The following VPS13D variants were observed in gnomAD, a reference collection of about 807,000 sequenced individuals.
The protein encoded by VPS13D is intermembrane lipid transfer protein VPS13D.
A neutral mutation model predicts 461.9 loss-of-function variants in VPS13D; 187 were observed. That is an observed-to-expected ratio of 0.40 (90% CI 0.36 to 0.46). The LOEUF (loss-of-function observed/expected upper bound fraction) is 0.46. Ranked by LOEUF, VPS13D falls within the 20% of genes least tolerant of loss-of-function variation. The pLI, the probability that VPS13D is intolerant of heterozygous loss-of-function variation, is 0.60. For missense variants in VPS13D, 4,711 were observed against 5,364.9 expected, an observed-to-expected ratio of 0.88 and a Z score of 3.81; for synonymous variants, 1,951 against 1,986.3, an observed-to-expected ratio of 0.98 and a Z score of 0.47.
In VPS13D at chr1:12,283,087, T is replaced by C; in HGVS notation, c.4985T>C (p.Leu1662Ser). Residue 1662 changes from leucine (L) to serine (S), a missense_variant, in exon 21 of 70, where the codon TTA becomes TCA. Around this residue, in one of 3 missense-constraint regions of VPS13D, gnomAD observed 4,411 missense variants for 4,937.8 expected, o/e 0.89. Coordinates refer to ENST00000620676, the MANE Select transcript of VPS13D (RefSeq NM_015378.4). ...VEFSKDHPQT[L>S]SIQIALHSLL... The stretch of plus-strand genomic sequence containing the variant: ...TTCAGTAAAGACCATCCCCAGACTT[T>C]ATCTATTCAGATTGCCCTGCATTCT... The C allele has an allele frequency of 6.2e-7, 1 of 1,614,196 alleles. No homozygotes were observed. Among genetic ancestry groups the C allele is most frequent in the Non-Finnish European group, 8.5e-7 (1 of 1,180,034 alleles).
Position 12,291,125 on chromosome 1 carries a change from G to A in VPS13D, c.5852+1G>A. 1.9e-6 allele frequency: 3 copies of A among 1,610,132 alleles called. No individual in the cohort carries two copies. The highest frequency in any genetic ancestry group is 2.5e-6 in the Non-Finnish European group (3 of 1,178,872). On this transcript the variant is annotated splice_donor_variant, in intron 23 of 69. Coordinates refer to ENST00000620676, the MANE Select transcript of VPS13D (RefSeq NM_015378.4). LOFTEE classifies it high-confidence loss of function. ...AAGCACTCATCTTCCAGACTTTTAA[G>A]TAAAAATGTCAATCTTTTTCTGACT...
Position 12,254,513 on chromosome 1 carries a change from C to CTTTT in VPS13D, c.669+712_669+715dup, listed in dbSNP as rs1017635589. Among the ~76,000 whole-genome samples the CTTTT allele has an allele frequency of 3.8e-4, 30 of 78,242 alleles. 3 individuals carry two copies. Among genetic ancestry groups the CTTTT allele is most frequent in the African/African-American group, 4.5e-4 (9 of 20,150 alleles). 51.3% of individuals were successfully genotyped at this position (78,242 alleles called of 152,430 possible). On this transcript the variant is annotated intron_variant, in intron 7 of 69. Coordinates refer to ENST00000620676, the MANE Select transcript of VPS13D (RefSeq NM_015378.4). The stretch of plus-strand genomic sequence containing the variant: ...TGTGAAGGATTAAAAAAATCTCAAT[C>CTTTT]TTTTTTTTTTTTTTTTTTTTTTTTT...
chr1:12,444,389 A>G (rs1645167701), intron 65 of VPS13D, among the ~76,000 whole-genome samples: 1 of 152,132 alleles, frequency 6.6e-6, no homozygotes, highest in South Asian at 2.1e-4. Flanking sequence ...GATTTGTAGA[A>G]CTTCTTGAAT....
intron 25 of VPS13D, among the ~76,000 whole-genome samples, chr1:12,302,084 T>C (rs915596069): frequency 6.6e-6 from 1 of 152,220 alleles, no homozygotes; most frequent in Non-Finnish European, 1.5e-5. Context: ...CAGTACTGTG[T>C]TGAATACTGT....
chr1:12,264,824 A>G (rs1641217787), intron 13 of VPS13D, among the ~76,000 whole-genome samples: 1 of 152,246 alleles, frequency 6.6e-6, no homozygotes, highest in Non-Finnish European at 1.5e-5. Flanking sequence ...TTGTAGATGA[A>G]AAGGCCTTCT....
intron 25 of VPS13D, among the ~76,000 whole-genome samples, chr1:12,300,461 G>A (rs980461773): frequency 2.6e-5 from 4 of 152,030 alleles, no homozygotes; most frequent in Non-Finnish European, 5.9e-5. Flanking sequence ...ACCCGCCTTG[G>A]CCTCCCAAAG....
chr1:12,360,978 T>C (rs1330199473), intron 50 of VPS13D, among the ~76,000 whole-genome samples: 1 of 152,192 alleles, frequency 6.6e-6, no homozygotes, highest in Non-Finnish European at 1.5e-5. Context: ...CGCATCACAA[T>C]ACAAGCAAGC....
intron 65 of VPS13D, among the ~76,000 whole-genome samples, chr1:12,434,751 C>A (rs931852795): frequency 6.6e-6 from 1 of 152,172 alleles, no homozygotes; most frequent in East Asian, 1.9e-4. Flanking sequence ...CTGATACATT[C>A]CACATAAGCT....
Position 12,507,122 on chromosome 1 carries a change from G to T in VPS13D, c.13035+29G>T, listed in dbSNP as rs2100567121. The stretch of plus-strand genomic sequence containing the variant: ...AGTGCCTGGCTGTTCTCAGGCTCCT[G>T]AGGGGCGGGGCCAGGGCCTCGATGC... On this transcript the variant is annotated intron_variant, in intron 69 of 69. Coordinates refer to ENST00000620676, the MANE Select transcript of VPS13D (RefSeq NM_015378.4). The surrounding 1 kb of genome is among the most constrained non-coding windows in gnomAD (Gnocchi z 5.3). 6.2e-7 allele frequency: 1 copy of T among 1,613,140 alleles called. No individual in the cohort carries two copies. Among genetic ancestry groups the T allele is most frequent in the South Asian group, 1.1e-5 (1 of 91,014 alleles).
Position 12,335,844 on chromosome 1 carries a change from CAT to C in VPS13D, c.8551+18_8551+19del, listed in dbSNP as rs1330540335. ...TTGGACAAAGTAAGAGTTTTCACTACATGTGTTTAACTAAATCACTTTTGACC... is the reference window on the plus strand; with the variant it reads ...TTGGACAAAGTAAGAGTTTTCACTACGTGTTTAACTAAATCACTTTTGACC... On this transcript the variant is annotated intron_variant, in intron 39 of 69. Coordinates refer to ENST00000620676, the MANE Select transcript of VPS13D (RefSeq NM_015378.4). 1 of 1,613,894 alleles carries C rather than the reference CAT, an allele frequency of 6.2e-7. No homozygotes were observed. The highest frequency in any genetic ancestry group is 8.5e-7 in the Non-Finnish European group (1 of 1,179,844).
chr1:12,289,454 T>C (rs1642062408), intron 22 of VPS13D, among the ~76,000 whole-genome samples: 2 of 152,092 alleles, frequency 1.3e-5, no homozygotes, highest in African/African-American at 4.8e-5. Context: ...ACAAAGCTCA[T>C]GTTGATGCTG....
intron 65 of VPS13D, among the ~76,000 whole-genome samples, chr1:12,441,583 A>T (rs1645131819): frequency 6.6e-6 from 1 of 152,232 alleles, no homozygotes; most frequent in African/African-American, 2.4e-5. Flanking sequence ...ACCAGGTCGA[A>T]GTTGAGAAGT....
intron 25 of VPS13D, among the ~76,000 whole-genome samples, chr1:12,303,287 GT>G (rs1217352438): frequency 6.6e-6 from 1 of 152,122 alleles, no homozygotes; most frequent in Admixed American, 6.6e-5. Context: ...ACAAGATTGA[GT>G]TTTTTTGCAT....
chr1:12,311,680 C>G, intron 28 of VPS13D, 55 bp downstream of exon 28: 3 of 1,601,254 alleles, frequency 1.9e-6, no homozygotes, highest in Non-Finnish European at 2.6e-6. Flanking sequence ...TGACGGTCAC[C>G]CTGTGTATCT....
intron 63 of VPS13D, among the ~76,000 whole-genome samples, chr1:12,411,927 TTGAGGCTCA>T (rs1644735570): frequency 6.6e-6 from 1 of 152,234 alleles, no homozygotes; most frequent in Non-Finnish European, 1.5e-5. Context: ...CCAAGCTCTC[TTGAGGCTCA>T]GGCTCAAAGG....
chr1:12,409,405 T>A lies in VPS13D; in HGVS notation c.12030+5432T>A, dbSNP rs1161961190. Among the ~76,000 whole-genome samples, 5 of 152,140 alleles carry A rather than the reference T, an allele frequency of 3.3e-5. No homozygotes were observed. The East Asian group carries it at 7.7e-4, about 23-fold the overall frequency. ...TCAGAAGACACATGCAAAAAGATTA[T>A]AAGTAAGAAAACAGAATAGAAATGT... is the stretch of plus-strand genomic sequence containing the variant. On this transcript the variant is annotated intron_variant, in intron 63 of 69. Coordinates refer to ENST00000620676, the MANE Select transcript of VPS13D (RefSeq NM_015378.4).
At position 12,405,958 on chromosome 1, in the gene VPS13D, G is replaced by GC. The variant is rs201064307; in HGVS notation, c.12030+1993dup. ...ATTTTCTGCAGTTGAAGTAGCTCCAGCCCCCCCCAGTTACATGATGGTTGT... is the reference window on the plus strand; with the variant it reads ...ATTTTCTGCAGTTGAAGTAGCTCCAGCCCCCCCCCAGTTACATGATGGTTGT... On this transcript the variant is annotated intron_variant, in intron 63 of 69. Coordinates refer to ENST00000620676, the MANE Select transcript of VPS13D (RefSeq NM_015378.4). Among the ~76,000 whole-genome samples the GC allele has an allele frequency of 4.6e-3, 705 of 151,876 alleles. 3 individuals carry two copies. The highest frequency in any genetic ancestry group is 0.016 in the African/African-American group (647 of 41,420).
chr1:12,505,837 A>AC lies in VPS13D; in HGVS notation c.12795-1016_12795-1015insC, dbSNP rs1646098236. Among the ~76,000 whole-genome samples, 1 of 152,146 alleles carries AC rather than the reference A, an allele frequency of 6.6e-6. No individual in the cohort carries two copies. Among genetic ancestry groups the AC allele is most frequent in the Admixed American group, 6.5e-5 (1 of 15,284 alleles). On this transcript the variant is annotated intron_variant, in intron 68 of 69. Coordinates refer to ENST00000620676, the MANE Select transcript of VPS13D (RefSeq NM_015378.4). This position sits in a 1 kb window ranked among gnomAD's most constrained non-coding sequence, Gnocchi z 4.2. ...CAGGTGTGCGTCCTGCACGGACCCC[A>AC]AGTGAGCGAGGGCCCGGCAGCCTGC...
At chr1:12,253,099 G>A (rs936472870) in intron 6 of VPS13D, among the ~76,000 whole-genome samples, 6 of 151,294 alleles carry the variant, frequency 4.0e-5, no homozygotes, top group African/African-American at 1.5e-4. Flanking sequence ...TGGGGGTTGC[G>A]GTGAGCCGAG....
Sources: gnomAD v4.1 joint callset for allele counts (sites outside exome capture counted in the v4.1 genomes callset) on GRCh38, gnomAD v4.1.1 for gene constraint, gnomAD v4.1.1 regional missense constraint, Gnocchi (gnomAD v3.1) non-coding constraint, MANE v1.5 for transcripts, NCBI Gene and HGNC (gene_info 2026-07-23, HGNC 2026-07-21) for gene names.